Variants in SARS2 observed in about 807,000 individuals in gnomAD.
SARS2 encodes the protein seryl-tRNA synthetase 2, mitochondrial.
A neutral mutation model predicts 66.8 loss-of-function variants in SARS2; 52 were observed. The ratio of observed to expected loss-of-function variants is 0.78; its 90% CI spans 0.62 to 0.98. The LOEUF (loss-of-function observed/expected upper bound fraction) is 0.98, where lower values mean the gene tolerates loss of function less well. SARS2 is among the 50% of genes least tolerant of loss of function. The pLI is 0.00. For synonymous variants in SARS2, 306 were observed against 281.4 expected (o/e 1.09, Z -0.87); for missense variants, 673 against 706.3 (o/e 0.95, Z 0.53).
intron 12 of SARS2, among the ~76,000 whole-genome samples, chr19:38,917,199 ATCC>A (rs1974433068): frequency 6.6e-6 from 1 of 152,094 alleles, no homozygotes; most frequent in Non-Finnish European, 1.5e-5. Context: ...GCCTCAAGCA[ATCC>A]TCCTGCCATG....
rs1360341999 is a variant in SARS2 at position 38,918,780 on chromosome 19, G to A, written c.793C>T (p.Arg265Cys). 5.1e-6 allele frequency: 8 copies of A among 1,561,766 alleles called. No individual in the cohort carries two copies. Among genetic ancestry groups the A allele is most frequent in the South Asian group, 4.7e-5 (4 of 84,766 alleles). The change falls in exon 8 of 16, where the codon CGC (arginine) becomes TGC (cysteine). Residue 265 changes from arginine to cysteine, a missense_variant. Transcript: ENST00000221431. ...GCCTCACTCACAAACACTGCTCCGC[G>A]GAGAAGGTCTGGCACCGTCATGGGG... Reference protein sequence around the residue: ...FTPMTVPDLLRGAVFEGCGMT... With the variant: ...FTPMTVPDLLCGAVFEGCGMT...
chr19:38,916,433 G>T, intron 12 of SARS2, 119 bp from the exon 13 acceptor site: 1 of 849,162 alleles, frequency 1.2e-6, no homozygotes, highest in Non-Finnish European at 1.9e-6. Context: ...AGGAGTTTGA[G>T]ACCAGCCTGG....
chr19:38,921,356 G>A (rs1264329823), intron 5 of SARS2, 36 bp downstream of exon 5: 4 of 1,610,260 alleles, frequency 2.5e-6, no homozygotes, highest in South Asian at 1.1e-5. Context: ...CCACACCGCA[G>A]GGCTTGTCAG....
intron 2 of SARS2, among the ~76,000 whole-genome samples, chr19:38,923,801 T>TCTA (rs1273647515): frequency 1.3e-5 from 2 of 151,894 alleles, no homozygotes; most frequent in African/African-American, 4.8e-5. Context: ...TAACATGGTC[T>TCTA]CTACTAAAAA....
chr19:38,922,626 T>C (rs1406930958), intron 2 of SARS2, among the ~76,000 whole-genome samples: 3 of 152,116 alleles, frequency 2.0e-5, no homozygotes, highest in African/African-American at 4.8e-5. Context: ...ATATCTCAAA[T>C]TGTAATTCCA....
At chr19:38,921,493 C>T (rs1974535023) in intron 4 of SARS2, 34 bp downstream of exon 4, 1 of 1,614,130 alleles carries the variant, frequency 6.2e-7, no homozygotes, top group Non-Finnish European at 8.5e-7. Context: ...CTAGGTGGGC[C>T]CCTGGCCTCC....
intron 6 of SARS2, 83 bp downstream of exon 6, chr19:38,920,003 C>A: frequency 7.1e-7 from 1 of 1,406,060 alleles, no homozygotes; most frequent in Non-Finnish European, 9.9e-7. Context: ...CCACATCTCA[C>A]GCTGAGGCCA....
intron 5 of SARS2, among the ~76,000 whole-genome samples, chr19:38,920,627 A>G (rs972181697): frequency 6.6e-6 from 1 of 151,968 alleles, no homozygotes. Flanking sequence ...ACACACACAT[A>G]TACAGACACA....
rs1277765105 is a variant in SARS2, at chr19:38,921,554, C to G, written c.507G>C (p.Lys169Asn). 6.2e-7 allele frequency: 1 copy of G among 1,614,202 alleles called. No homozygotes were observed. The highest frequency in any genetic ancestry group is 1.3e-5 in the African/African-American group (1 of 75,062). ...LEEQFYLQAL[K>N]LPNQTHPDVP... ...CGTCTGGGTGGGTCTGGTTGGGCAGCTTCAGCGCCTGCAGGTAGAACTGCT... is the reference window on the plus strand; with the variant it reads ...CGTCTGGGTGGGTCTGGTTGGGCAGGTTCAGCGCCTGCAGGTAGAACTGCT... Residue 169 changes from lysine (K) to asparagine (N), a missense_variant, in exon 4 of 16, where the codon AAG becomes AAC. Lys to Asn is a moderately conservative substitution (Grantham distance 94). Transcript: ENST00000221431.
At chr19:38,918,836 G>A (rs1271020571) in intron 7 of SARS2, 23 bp from the exon 8 acceptor site, 8 of 1,555,088 alleles carry the variant, frequency 5.1e-6, no homozygotes, top group Non-Finnish European at 6.1e-6. Context: ...GAGGATGAGT[G>A]AGCAGAGCTG....
chr19:38,916,318 C>T lies in SARS2; in HGVS notation c.1161-4G>A, dbSNP rs774586844. On this transcript the variant is annotated splice_region_variant and splice_polypyrimidine_tract_variant and intron_variant, in intron 12 of 15. Coordinates refer to ENST00000221431, the MANE Select transcript of SARS2 (RefSeq NM_017827.4). ...TTGGGTGGGCATATCCAGGACCCTGCGGTCAAGGACGAAGGTGTGGGGAAG... is the reference window on the plus strand; with the variant it reads ...TTGGGTGGGCATATCCAGGACCCTGTGGTCAAGGACGAAGGTGTGGGGAAG... 1.5e-5 allele frequency: 25 copies of T among 1,612,968 alleles called. No homozygotes were observed. The highest frequency in any genetic ancestry group is 4.5e-5 in the East Asian group (2 of 44,858).
chr19:38,927,924 T>G (rs1368726626), intron 1 of SARS2, among the ~76,000 whole-genome samples: 8 of 151,998 alleles, frequency 5.3e-5, no homozygotes, highest in African/African-American at 1.4e-4. Context: ...TCCCAGCTAC[T>G]CAGGAGGCCA....
rs1471883266 is a variant in SARS2, at chr19:38,918,756, C to T, written c.807+10G>A. 1 of 1,558,150 alleles carries T rather than the reference C, an allele frequency of 6.4e-7. No homozygotes were observed. Reference sequence around the variant, plus strand: ...CAGGTGGGCGAGGGAAGCGGAGAGGCCTCACTCACAAACACTGCTCCGCGG... The same window carrying T: ...CAGGTGGGCGAGGGAAGCGGAGAGGTCTCACTCACAAACACTGCTCCGCGG... On this transcript the variant is annotated intron_variant, in intron 8 of 15. Coordinates refer to ENST00000221431, the MANE Select transcript of SARS2 (RefSeq NM_017827.4).
chr19:38,929,562 CAA>C (rs34985712), intron 1 of SARS2, among the ~76,000 whole-genome samples: 76 of 113,852 alleles, frequency 6.7e-4, no homozygotes, highest in Admixed American at 9.4e-4. Flanking sequence ...CACCCTATCT[CAA>C]AAAAAAAAAA....
At chr19:38,927,253 T>A (rs973087230) in intron 1 of SARS2, among the ~76,000 whole-genome samples, 66 of 152,040 alleles carry the variant, frequency 4.3e-4, no homozygotes, top group Non-Finnish European at 8.5e-4. Context: ...AAAAAAACTT[T>A]AAAAAAATTA....
At chr19:38,923,798 G>T (rs945098662) in intron 2 of SARS2, among the ~76,000 whole-genome samples, 1 of 151,956 alleles carries the variant, frequency 6.6e-6, no homozygotes, top group African/African-American at 2.4e-5. Context: ...GGCTAACATG[G>T]TCTCTACTAA....
Position 38,918,461 on chromosome 19 carries a change from C to A in SARS2, c.877G>T (p.Asp293Tyr). ...TCCGCTGTTCCAGCCAGGTTGAGAT[C>A]TTTGAAGCGGGCAGGGTCGATGTTG... ...IYNIDPARFK[D>Y]LNLAGTAEVG... The change falls in exon 9 of 16, where the codon GAT becomes TAT. Residue 293 changes from aspartate to tyrosine, a missense_variant. By Grantham distance (160) the Asp-to-Tyr change is radical. Transcript: ENST00000221431. The A allele has an allele frequency of 6.2e-7, 1 of 1,614,216 alleles. No individual in the cohort carries two copies. Among genetic ancestry groups the A allele is most frequent in the Non-Finnish European group, 8.5e-7 (1 of 1,180,022 alleles).
At chr19:38,921,709 G>C in intron 3 of SARS2, 42 bp from the exon 4 acceptor site, 1 of 1,611,444 alleles carries the variant, frequency 6.2e-7, no homozygotes. Flanking sequence ...AGAGGGTCAG[G>C]ACTCCCTCAT....
chr19:38,916,806 G>A (rs1037118983), intron 12 of SARS2, among the ~76,000 whole-genome samples: 1 of 152,024 alleles, frequency 6.6e-6, no homozygotes, highest in Non-Finnish European at 1.5e-5. Flanking sequence ...GGGATTACAG[G>A]TGTGTGCCAC....
Sources: allele counts gnomAD v4.1 joint callset (sites outside exome capture counted in the v4.1 genomes callset), GRCh38; gene constraint gnomAD v4.1.1; transcripts MANE v1.5; gene names NCBI Gene and HGNC (gene_info 2026-07-23, HGNC 2026-07-21).